PTCH2: variants seen among roughly 807,000 people sequenced by gnomAD.
PTCH2 encodes protein patched homolog 2.
In PTCH2, 96 loss-of-function variants were observed where a neutral mutation model predicts 117.9. The ratio of observed to expected loss-of-function variants is 0.81; its 90% CI spans 0.69 to 0.96. The LOEUF is 0.96. Ranked by LOEUF, PTCH2 falls within the 50% of genes least tolerant of loss-of-function variation. PTCH2 has a pLI of 0.00. For synonymous variants in PTCH2, 615 were observed against 660.9 expected (o/e 0.93, Z 1.06); for missense variants, 1,379 against 1,562.5 (o/e 0.88, Z 1.98).
intron 19 of PTCH2, among the ~76,000 whole-genome samples, chr1:44,825,743 T>C (rs148917150): frequency 0.013 from 2,048 of 151,862 alleles, 45 homozygotes; most frequent in African/African-American, 0.047. Flanking sequence ...GCCAGGCTGG[T>C]CTTGAACTCC....
At position 44,829,408 on chromosome 1, in the gene PTCH2, C is replaced by T. The variant is rs2148877566; in HGVS notation, c.1209G>A (p.Leu403=). The T allele has an allele frequency of 6.2e-7, 1 of 1,614,190 alleles. No individual in the cohort carries two copies. The highest frequency in any genetic ancestry group is 8.5e-7 in the Non-Finnish European group (1 of 1,180,026). Residue 403 remains leucine, a synonymous_variant, in exon 9 of 22, where the codon CTG becomes CTA. Transcript: ENST00000372192. ...TGCCAGGTGCAAGACCCACCATGAG[C>T]AGATAGCCTCCCACCACACGGGCAG... ...VSAARVVGGY[L]LMLAYACVTM... is the part of the protein sequence containing the mutation.
chr1:44,828,644 A>C lies in PTCH2; in HGVS notation c.1465-13T>G. On this transcript the variant is annotated splice_polypyrimidine_tract_variant and intron_variant, in intron 11 of 21. Coordinates refer to ENST00000372192, the MANE Select transcript of PTCH2 (RefSeq NM_003738.5). ...CGCCCATGCGCTCCTGCCAGGACAG[A>C]GTGGGGACCTGCCCTCAGGTCACAA... is the stretch of plus-strand genomic sequence containing the variant. The C allele has an allele frequency of 6.2e-7, 1 of 1,610,340 alleles. No individual in the cohort carries two copies. The highest frequency in any genetic ancestry group is 8.5e-7 in the Non-Finnish European group (1 of 1,178,728).
At chr1:44,820,388 G>T (rs1216878167), downstream of PTCH2, 3 of 607,824 alleles carry the variant, frequency 4.9e-6, no homozygotes, top group African/African-American at 1.8e-5. Context: ...GTCCTGTCCC[G>T]CCGTCCTTAC....
downstream of PTCH2, chr1:44,820,002 G>A (rs375558597): frequency 5.2e-4 from 82 of 157,314 alleles, no homozygotes; most frequent in African/African-American, 1.5e-3. Flanking sequence ...GAGTATATTC[G>A]TGACTTCCGC....
intron 6 of PTCH2, 98 bp from the exon 7 acceptor site, chr1:44,830,128 T>G: frequency 6.6e-7 from 1 of 1,507,326 alleles, no homozygotes; most frequent in Non-Finnish European, 9.1e-7. Context: ...GCCATGAAGC[T>G]CAGTAGGGCT....
Position 44,828,418 on chromosome 1 carries a change from G to A in PTCH2, c.1591-4C>T. The A allele has an allele frequency of 1.2e-6, 2 of 1,614,170 alleles. No individual in the cohort carries two copies. Among genetic ancestry groups the A allele is most frequent in the Non-Finnish European group, 1.7e-6 (2 of 1,180,032 alleles). Reference sequence around the variant, plus strand: ...TGCAGCCAACCACTATGGCCGCCTGGGGGACGGACAGGAGGGGAATGAAGG... The same window carrying A: ...TGCAGCCAACCACTATGGCCGCCTGAGGGACGGACAGGAGGGGAATGAAGG... On this transcript the variant is annotated splice_polypyrimidine_tract_variant and splice_region_variant and intron_variant, in intron 12 of 21. Coordinates refer to ENST00000372192, the MANE Select transcript of PTCH2 (RefSeq NM_003738.5).
Position 44,827,666 on chromosome 1 carries a change from C to T in PTCH2, c.2107G>A (p.Gly703Arg), listed in dbSNP as rs769149013. The T allele has an allele frequency of 1.9e-5, 30 of 1,612,660 alleles. No homozygotes were observed. Among genetic ancestry groups the T allele is most frequent in the African/African-American group, 6.7e-5 (5 of 74,930 alleles). ...FGALLGLSLY[G>R]ATLVQDGLAL... ...AGGCCGTCTTGCACCAAGGTGGCTC[C>T]GTAGAGGCTCAGGCCCAGAAGAGCA... The change falls in exon 15 of 22, where the codon GGA (glycine) becomes AGA (arginine). Residue 703 changes from glycine to arginine, a missense_variant. Coordinates refer to ENST00000372192, the MANE Select transcript of PTCH2 (RefSeq NM_003738.5).
Position 44,826,323 on chromosome 1 carries a change from A to T in PTCH2, c.3041T>A (p.Leu1014Gln), listed in dbSNP as rs1653139502. ...AAGGATCACCACGGGGATGGCACTC[A>T]GCTTGATGCCCAGGAAACCCATGAT... ...FGIMGFLGIK[L>Q]SAIPVVILVA... The change falls in exon 19 of 22, where the codon CTG (leucine) becomes CAG (glutamine). Residue 1014 changes from leucine (L) to glutamine (Q), a missense_variant. Leu to Gln is a moderately radical substitution (Grantham distance 113, BLOSUM62 -2). Transcript: ENST00000372192. The surrounding 1 kb of genome is among the most constrained non-coding windows in gnomAD (Gnocchi z 5.1). 1 of 1,614,028 alleles carries T rather than the reference A, an allele frequency of 6.2e-7. No individual in the cohort carries two copies. The highest frequency in any genetic ancestry group is 1.7e-5 in the Admixed American group (1 of 59,998).
chr1:44,820,239 G>T, downstream of PTCH2: 1 of 388,206 alleles, frequency 2.6e-6, no homozygotes, highest in Non-Finnish European at 5.2e-6. Context: ...GCTGTTCCGC[G>T]CCACCGGGGA....
chr1:44,823,481 C>T lies in PTCH2; in HGVS notation c.3115-96G>A. ...TATCTGTCTTCAGAGCTCAACGATA[C>T]CTTGGCCCACCAAAGGCTGGGTGAA... On this transcript the variant is annotated intron_variant, in intron 19 of 21. Transcript: ENST00000372192. The surrounding 1 kb of genome is among the most constrained non-coding windows in gnomAD (Gnocchi z 5.1). 6.4e-7 allele frequency: 1 copy of T among 1,551,416 alleles called. No homozygotes were observed. The highest frequency in any genetic ancestry group is 8.8e-7 in the Non-Finnish European group (1 of 1,130,720).
rs1363118627 is a variant in PTCH2, at chr1:44,823,388, A to T, written c.3115-3T>A. ...CTGCCCTGGGTGGTCAGGAAGCCCTAGGAAAACAGAGTGGTCCTGGAGCTG... is the reference window on the plus strand; with the variant it reads ...CTGCCCTGGGTGGTCAGGAAGCCCTTGGAAAACAGAGTGGTCCTGGAGCTG... On this transcript the variant is annotated splice_polypyrimidine_tract_variant and splice_region_variant and intron_variant, in intron 19 of 21. Coordinates refer to ENST00000372192, the MANE Select transcript of PTCH2 (RefSeq NM_003738.5). The surrounding 1 kb of genome is among the most constrained non-coding windows in gnomAD (Gnocchi z 5.1). 6.2e-7 allele frequency: 1 copy of T among 1,614,022 alleles called. No individual in the cohort carries two copies. Among genetic ancestry groups the T allele is most frequent in the Non-Finnish European group, 8.5e-7 (1 of 1,180,034 alleles).
chr1:44,829,922 C>G lies in PTCH2; in HGVS notation c.922G>C (p.Gly308Arg). Reference sequence around the variant, plus strand: ...AGGAGACCCTACCTCAGCAGCTCTCCTTGGGGGTCTCTGGCCATGCCTCCC... The same window carrying G: ...AGGAGACCCTACCTCAGCAGCTCTCGTTGGGGGTCTCTGGCCATGCCTCCC... ...LLGGMARDPQ[G>R]ELLRAEALQS... The change falls in exon 7 of 22, where the codon GGA becomes CGA. Residue 308 changes from glycine (G) to arginine (R), a missense_variant. Physicochemically the swap from Gly to Arg is moderately radical, Grantham distance 125. Coordinates refer to ENST00000372192, the MANE Select transcript of PTCH2 (RefSeq NM_003738.5). 1.2e-6 allele frequency: 2 copies of G among 1,614,118 alleles called. No individual in the cohort carries two copies. Among genetic ancestry groups the G allele is most frequent in the South Asian group, 2.2e-5 (2 of 91,080 alleles).
In PTCH2 at chr1:44,823,076, G is replaced by A. The variant is rs751731603; in HGVS notation, c.3350C>T (p.Pro1117Leu). The change falls in exon 21 of 22, where the codon CCG becomes CTG. Residue 1117 changes from proline (P) to leucine (L), a missense_variant. By Grantham distance (98) the Pro-to-Leu change is moderately conservative. Transcript: ENST00000372192. The surrounding 1 kb of genome is among the most constrained non-coding windows in gnomAD (Gnocchi z 5.1). ...LPVLLSILGP[P>L]PEVIQMYKES... is the part of the protein sequence containing the mutation. ...TGCCGAGGGTGTGGTCACCTCTGGCGGCGGGCCCAGGATGGACAGCAGCAC... is the reference window on the plus strand; with the variant it reads ...TGCCGAGGGTGTGGTCACCTCTGGCAGCGGGCCCAGGATGGACAGCAGCAC... 15 of 1,612,948 alleles carry A rather than the reference G, an allele frequency of 9.3e-6. No homozygotes were observed. Among genetic ancestry groups the A allele is most frequent in the East Asian group, 6.7e-5 (3 of 44,858 alleles).
At chr1:44,833,112 C>T (rs887163072) in intron 2 of PTCH2, among the ~76,000 whole-genome samples, 2 of 152,132 alleles carry the variant, frequency 1.3e-5, no homozygotes, top group African/African-American at 2.4e-5. Flanking sequence ...CAGGGATTCC[C>T]GGCGCCAGGC....
Position 44,841,854 on chromosome 1 carries a change from C to T in PTCH2, c.258G>A (p.Trp86Ter). Residue 86 changes from tryptophan to a stop codon, truncating the protein, a stop_gained, in exon 2 of 22, where the codon TGG (tryptophan) becomes TGA (stop). Transcript: ENST00000372192. LOFTEE classifies it high-confidence loss of function. ...AIIETNLEQL[W>*]VEVGSRVSQE... ...CCAGTGTCCACAACTTACCTTCTAC[C>T]CAGAGCTGTTCCAAGTTTGTCTCAA... 6.2e-7 allele frequency: 1 copy of T among 1,614,156 alleles called. No homozygotes were observed. Among genetic ancestry groups the T allele is most frequent in the South Asian group, 1.1e-5 (1 of 91,080 alleles).
downstream of PTCH2, chr1:44,820,644 C>T (rs558442200): frequency 7.0e-6 from 5 of 712,026 alleles, no homozygotes; most frequent in Middle Eastern, 2.3e-4. Context: ...CAGACAGTGG[C>T]GCTCCGTGTG....
intron 1 of PTCH2, 151 bp downstream of exon 1, chr1:44,842,710 A>G: frequency 1.3e-6 from 1 of 755,722 alleles, no homozygotes; most frequent in Non-Finnish European, 2.2e-6. Flanking sequence ...ACACACCGAC[A>G]CACACGCACA....
rs2148873529 is a variant in PTCH2, at chr1:44,826,020, A to T, written c.3114+230T>A. On this transcript the variant is annotated intron_variant, in intron 19 of 21. Transcript: ENST00000372192. The surrounding 1 kb of genome is among the most constrained non-coding windows in gnomAD (Gnocchi z 5.1). ...CCACCACGCCTGGCTAATTTTTTGT[A>T]TTTTTAGTAAAGACAGGGTTTCACC... Among the ~76,000 whole-genome samples the T allele has an allele frequency of 6.6e-6, 1 of 150,954 alleles. No homozygotes were observed. Among genetic ancestry groups the T allele is most frequent in the South Asian group, 2.1e-4 (1 of 4,768 alleles).
rs765975927 is a variant in PTCH2, at chr1:44,829,273, C to G, written c.1255G>C (p.Ala419Pro). ...ACVTMLRWDC[A>P]QSQGSVGLAG... ...AGGCCCACGGAACCCTGGGACTGGG[C>G]GCAGTCCCACCGCAGCATGGTCACA... The change falls in exon 10 of 22, where the codon GCC (alanine) becomes CCC (proline). Residue 419 changes from alanine to proline, a missense_variant. Coordinates refer to ENST00000372192, the MANE Select transcript of PTCH2 (RefSeq NM_003738.5). 1.9e-6 allele frequency: 3 copies of G among 1,613,366 alleles called. No homozygotes were observed. The African/African-American group carries it at 4.0e-5, about 22-fold the overall frequency.
Sources: allele counts gnomAD v4.1 joint callset (sites outside exome capture counted in the v4.1 genomes callset), GRCh38; gene constraint gnomAD v4.1.1; non-coding constraint Gnocchi (gnomAD v3.1); transcripts MANE v1.5; gene names NCBI Gene and HGNC (gene_info 2026-07-23, HGNC 2026-07-21).